COL11A1: variants seen among roughly 807,000 people sequenced by gnomAD.
COL11A1 encodes collagen type XI alpha 1 chain, also known as collagen alpha-1(XI) chain.
A neutral mutation model predicts 265.2 loss-of-function variants in COL11A1; 74 were observed. That is an observed-to-expected ratio of 0.28 (90% CI 0.23 to 0.34). The LOEUF is 0.34. COL11A1 is among the 10% of genes least tolerant of loss of function. COL11A1 has a pLI of 1.00. For synonymous variants in COL11A1, 816 were observed against 727.6 expected, an observed-to-expected ratio of 1.12 and a Z score of -1.96; for missense variants, 2,165 against 2,263.6, an observed-to-expected ratio of 0.96 and a Z score of 0.88.
At chr1:102,939,851 A>T (rs1275632679) in intron 43 of COL11A1, among the ~76,000 whole-genome samples, 1 of 152,172 alleles carries the variant, frequency 6.6e-6, no homozygotes, top group Non-Finnish European at 1.5e-5. Flanking sequence ...GATGTATTCA[A>T]TTGAAACATT....
At chr1:103,102,517 G>T (rs761762970) in intron 1 of COL11A1, among the ~76,000 whole-genome samples, 2 of 152,022 alleles carry the variant, frequency 1.3e-5, no homozygotes, top group African/African-American at 2.4e-5. Flanking sequence ...TTACATGAGG[G>T]AAGTGAAGGA....
intron 66 of COL11A1, among the ~76,000 whole-genome samples, chr1:102,878,550 C>G (rs1478202188): frequency 5.6e-5 from 6 of 107,662 alleles, no homozygotes; most frequent in Admixed American, 4.4e-4. Flanking sequence ...AAGTTTTGCT[C>G]TGTTGCTCAG....
At chr1:103,040,079 A>G (rs917231685) in intron 4 of COL11A1, among the ~76,000 whole-genome samples, 3 of 152,114 alleles carry the variant, frequency 2.0e-5, no homozygotes, top group African/African-American at 7.2e-5. Context: ...AGAAATATCC[A>G]TAAAATAGTC....
At chr1:103,003,115 G>A in intron 21 of COL11A1, 100 bp downstream of exon 21, 1 of 1,151,878 alleles carries the variant, frequency 8.7e-7, no homozygotes, top group Admixed American at 1.9e-5. Context: ...ACATAACAAG[G>A]CAATAAACTC....
At chr1:103,023,823 G>A (rs537811677) in intron 7 of COL11A1, among the ~76,000 whole-genome samples, 2 of 152,240 alleles carry the variant, frequency 1.3e-5, no homozygotes, top group Admixed American at 6.5e-5. Context: ...TATCTCATAT[G>A]TAGGGAAGTA....
intron 31 of COL11A1, among the ~76,000 whole-genome samples, 156 bp downstream of exon 31, chr1:102,983,982 G>A (rs554937935): frequency 2.0e-5 from 3 of 151,964 alleles, no homozygotes; most frequent in South Asian, 4.2e-4. Flanking sequence ...TGAGCTCCCT[G>A]CACTCCAGGC....
In COL11A1 at chr1:103,031,156, G is replaced by C. The variant is rs773180523; in HGVS notation, c.740C>G (p.Ala247Gly). 5.0e-6 allele frequency: 8 copies of C among 1,612,950 alleles called. No homozygotes were observed. The Admixed American group carries it at 1.0e-4, about 20-fold the overall frequency. ...TTCCTGAGCTTGAGCAGCCTTGGGTGCTGAAGAGTCACAGTCTGGACTATA... is the reference window on the plus strand; with the variant it reads ...TTCCTGAGCTTGAGCAGCCTTGGGTCCTGAAGAGTCACAGTCTGGACTATA... The part of the protein sequence containing the change: ...EHYSPDCDSS[A>G]PKAAQAQEPQ... The change falls in exon 5 of 67, where the codon GCA (alanine) becomes GGA (glycine). Residue 247 changes from alanine (A) to glycine (G), a missense_variant. Coordinates refer to ENST00000370096, the MANE Select transcript of COL11A1 (RefSeq NM_001854.4).
chr1:102,979,095 C>G lies in COL11A1; in HGVS notation c.2620G>C (p.Gly874Arg). ...CGCTGACCCCGAGGGCCTGGTTTGC[C>G]AGCTACTCCCTAGCAAAGACAGTTC... Reference protein sequence around the residue: ...NGEKGARGVAGKPGPRGQRGP... With the variant: ...NGEKGARGVARKPGPRGQRGP... Residue 874 changes from glycine to arginine, a missense_variant, in exon 33 of 67, where the codon GGC becomes CGC. By Grantham distance (125) the Gly-to-Arg change is moderately radical. Coordinates refer to ENST00000370096, the MANE Select transcript of COL11A1 (RefSeq NM_001854.4). The G allele has an allele frequency of 1.2e-6, 2 of 1,614,072 alleles. No homozygotes were observed. Among genetic ancestry groups the G allele is most frequent in the Non-Finnish European group, 1.7e-6 (2 of 1,179,990 alleles).
At chr1:102,944,514 C>T (rs915177970) in intron 42 of COL11A1, among the ~76,000 whole-genome samples, 1 of 152,102 alleles carries the variant, frequency 6.6e-6, no homozygotes, top group Non-Finnish European at 1.5e-5. Flanking sequence ...GGAAGCAAGG[C>T]ATTCCCTTTT....
chr1:103,039,090 AAC>A (rs1435744454), intron 4 of COL11A1, among the ~76,000 whole-genome samples: 5 of 152,200 alleles, frequency 3.3e-5, no homozygotes, highest in Admixed American at 6.5e-5. Context: ...AATAATAACT[AAC>A]AGTCATTTCT....
At chr1:102,894,085 TACAAA>T (rs904255777) in intron 57 of COL11A1, among the ~76,000 whole-genome samples, 2 of 152,150 alleles carry the variant, frequency 1.3e-5, no homozygotes, top group Non-Finnish European at 2.9e-5. Context: ...CTTAAAAGAA[TACAAA>T]ACAAAACAAA....
chr1:103,004,043 A>G (rs894829351), intron 20 of COL11A1, among the ~76,000 whole-genome samples: 12 of 152,146 alleles, frequency 7.9e-5, no homozygotes, highest in Non-Finnish European at 2.9e-5. Flanking sequence ...TATTTGGTGG[A>G]GAAAAGTGAT....
chr1:102,953,996 T>C (rs1660135794), intron 41 of COL11A1, among the ~76,000 whole-genome samples: 1 of 152,238 alleles, frequency 6.6e-6, no homozygotes, highest in Non-Finnish European at 1.5e-5. Context: ...AATATCTGTT[T>C]AATTTCATGA....
At position 103,005,960 on chromosome 1, in the gene COL11A1, T is replaced by C. The variant is rs555940593; in HGVS notation, c.1792-69A>G. On this transcript the variant is annotated intron_variant, in intron 17 of 66. Transcript: ENST00000370096. ...ATTCCAGTCTAGATATGTACTGCAA[T>C]TTAAATGCGAAATATTCTCTCAGAT... 3.6e-4 allele frequency: 585 copies of C among 1,612,838 alleles called. 5 individuals carry two copies. The African/African-American group carries it at 7.1e-3, about 20-fold the overall frequency.
rs141155507 is a variant in COL11A1, at chr1:103,097,855, A to C, written c.106+10218T>G. Reference sequence around the variant, plus strand: ...TATTGTCTGTGTAGCCACAGCACTTAACACAGTGATTAACATAGAAGATAG... The same window carrying C: ...TATTGTCTGTGTAGCCACAGCACTTCACACAGTGATTAACATAGAAGATAG... On this transcript the variant is annotated intron_variant, in intron 1 of 66. Transcript: ENST00000370096. 6.6e-3 allele frequency among the ~76,000 whole-genome samples: 1,010 copies of C among 152,114 alleles called. 8 individuals carry two copies. Among genetic ancestry groups the C allele is most frequent in the African/African-American group, 0.023 (960 of 41,540 alleles).
intron 4 of COL11A1, among the ~76,000 whole-genome samples, chr1:103,060,749 C>G (rs1242294306): frequency 6.6e-6 from 1 of 151,904 alleles, no homozygotes; most frequent in Admixed American, 6.6e-5. Context: ...ATTTATTGAA[C>G]CCAGGAGTTT....
At chr1:103,044,379 A>G (rs1417019071) in intron 4 of COL11A1, among the ~76,000 whole-genome samples, 1 of 152,094 alleles carries the variant, frequency 6.6e-6, no homozygotes, top group African/African-American at 2.4e-5. Context: ...ATTGCGCAGA[A>G]TCCCAAAACT....
intron 1 of COL11A1, among the ~76,000 whole-genome samples, chr1:103,092,245 G>A (rs1673381990): frequency 6.6e-6 from 1 of 151,960 alleles, no homozygotes; most frequent in South Asian, 2.1e-4. Flanking sequence ...TATGAATATG[G>A]TTCAATACAT....
chr1:103,012,233 T>G (rs1557943559), intron 14 of COL11A1, among the ~76,000 whole-genome samples, 180 bp downstream of exon 14: 1 of 152,104 alleles, frequency 6.6e-6, no homozygotes, highest in Non-Finnish European at 1.5e-5. Context: ...ACTGAGACCT[T>G]TTGATCAAAA....
Sources: gnomAD v4.1 joint callset for allele counts (sites outside exome capture counted in the v4.1 genomes callset) on GRCh38, gnomAD v4.1.1 for gene constraint, MANE v1.5 for transcripts, NCBI Gene and HGNC (gene_info 2026-07-23, HGNC 2026-07-21) for gene names.